The following GIPC1 variants were observed in gnomAD, a reference collection of about 807,000 sequenced individuals.
The protein encoded by GIPC1 is GIPC PDZ domain containing family member 1.
A neutral mutation model predicts 28.5 loss-of-function variants in GIPC1; 15 were observed. That is an observed-to-expected ratio of 0.53 (90% CI 0.35 to 0.81). The LOEUF is 0.81. GIPC1 is among the 30% of genes least tolerant of loss of function. The pLI is 0.01. For synonymous variants in GIPC1, 224 were observed against 206.1 expected (o/e 1.09, Z -0.74); for missense variants, 439 against 481.9 (o/e 0.91, Z 0.83).
chr19:14,495,291 T>A (rs1009454546), intron 1 of GIPC1, among the ~76,000 whole-genome samples: 1 of 125,772 alleles, frequency 8.0e-6, no homozygotes, highest in African/African-American at 3.0e-5. Flanking sequence ...GACCAGCAGG[T>A]GTGGCCCTGA....
intron 1 of GIPC1, 28 bp downstream of exon 1, chr19:14,496,009 A>G: frequency 4.6e-6 from 1 of 217,740 alleles, no homozygotes; most frequent in Non-Finnish European, 8.7e-6. Context: ...CCCGGAGCAG[A>G]CACATCCTTC....
Position 14,485,698 on chromosome 19 carries a change from T to TAGAG in GIPC1, c.-30-2693_-30-2692insCTCT, listed in dbSNP as rs1486531236. Among the ~76,000 whole-genome samples, 5 of 85,086 alleles carry TAGAG rather than the reference T, an allele frequency of 5.9e-5. No homozygotes were observed. The East Asian group carries it at 1.5e-3, about 25-fold the overall frequency. The allele number at this position is 85,086 out of a possible 152,430, so 55.8% of individuals were successfully genotyped here. A position where few individuals can be genotyped will look rare whatever the true frequency, so the allele number is the denominator to read the frequency against. ...ATAAATAAACAAATATATATATATATATATAGAGAGAGAGAGAGAGAGAGA... is the reference window on the plus strand; with the variant it reads ...ATAAATAAACAAATATATATATATATAGAGATATAGAGAGAGAGAGAGAGAGAGA... On this transcript the variant is annotated intron_variant, in intron 3 of 8. Coordinates refer to ENST00000393033, the MANE Select transcript of GIPC1 (RefSeq NM_005716.4).
intron 3 of GIPC1, among the ~76,000 whole-genome samples, chr19:14,490,180 A>G (rs560589438): frequency 1.3e-5 from 2 of 152,114 alleles, no homozygotes; most frequent in East Asian, 3.9e-4. Context: ...CCTGGCCAAC[A>G]TGGTGAAACC....
chr19:14,482,383 G>A, intron 4 of GIPC1: 1 of 502,630 alleles, frequency 2.0e-6, no homozygotes, highest in Non-Finnish European at 3.6e-6. Flanking sequence ...AATGCCTGAT[G>A]GGATGTCAGC....
chr19:14,480,363 C>T lies in GIPC1; in HGVS notation c.597G>A (p.Lys199=). The T allele has an allele frequency of 6.2e-7, 1 of 1,612,514 alleles. No individual in the cohort carries two copies. Among genetic ancestry groups the T allele is most frequent in the Non-Finnish European group, 8.5e-7 (1 of 1,179,882 alleles). ...TGAAGGTACGGCCTCGGGGCAGCTCCTTGAGCAGCCGGGCCACCTCGTAGT... is the reference window on the plus strand; with the variant it reads ...TGAAGGTACGGCCTCGGGGCAGCTCTTTGAGCAGCCGGGCCACCTCGTAGT... ...CRHYEVARLL[K]ELPRGRTFTL... Residue 199 remains lysine (K), a synonymous_variant, in exon 6 of 9, where the codon AAG becomes AAA. Transcript: ENST00000393033.
chr19:14,490,459 C>T (rs12980838), intron 3 of GIPC1, among the ~76,000 whole-genome samples: 71,826 of 151,368 alleles, frequency 0.47, 17,431 homozygotes, highest in South Asian at 0.66. Flanking sequence ...AGGCGGATCA[C>T]CTGAGGTCGA....
intron 2 of GIPC1, among the ~76,000 whole-genome samples, chr19:14,492,046 T>C (rs1341106092): frequency 1.3e-5 from 2 of 151,564 alleles, no homozygotes; most frequent in Non-Finnish European, 2.9e-5. Context: ...CCAGCCTGGG[T>C]GACAGAGTGA....
At position 14,478,658 on chromosome 19, in the gene GIPC1, C is replaced by G. The variant is rs1029085131; in HGVS notation, c.850+26G>C. The G allele has an allele frequency of 6.2e-7, 1 of 1,612,186 alleles. No homozygotes were observed. The highest frequency in any genetic ancestry group is 1.1e-5 in the South Asian group (1 of 91,040). On this transcript the variant is annotated intron_variant, in intron 8 of 8. Coordinates refer to ENST00000393033, the MANE Select transcript of GIPC1 (RefSeq NM_005716.4). This position sits in a 1 kb window ranked among gnomAD's most constrained non-coding sequence, Gnocchi z 5.2. The stretch of plus-strand genomic sequence containing the variant: ...TCGGCCCCCAGCAGACCTAGATGCC[C>G]CCTCCCCCAGGCAGCCCTCACTCAC...
In GIPC1 at chr19:14,482,620, G is replaced by C. The variant is rs1599351054; in HGVS notation, c.288+69C>G. 1.1e-5 allele frequency: 16 copies of C among 1,471,372 alleles called. No homozygotes were observed. The East Asian group carries it at 1.4e-4, about 13-fold the overall frequency. 91.1% of individuals were successfully genotyped at this position (1,471,372 alleles called of 1,614,324 possible). ...CTTCAGCATCTGAGCCCCAGCTCAT[G>C]AACAGGATGCAGGCCCAGACCTCTG... On this transcript the variant is annotated intron_variant, in intron 4 of 8. Coordinates refer to ENST00000393033, the MANE Select transcript of GIPC1 (RefSeq NM_005716.4).
chr19:14,491,997 G>T (rs2071984964), intron 2 of GIPC1, among the ~76,000 whole-genome samples: 1 of 152,038 alleles, frequency 6.6e-6, no homozygotes, highest in African/African-American at 2.4e-5. Context: ...GAACCCGGGA[G>T]GTGGAGTTTG....
chr19:14,489,380 T>C (rs1018968584), intron 3 of GIPC1: 8 of 785,438 alleles, frequency 1.0e-5, no homozygotes, highest in African/African-American at 3.4e-5. Flanking sequence ...GCCCATGGAG[T>C]ATACACCATG....
intron 3 of GIPC1, among the ~76,000 whole-genome samples, chr19:14,485,700 T>TAG (rs1429212332): frequency 1.6e-3 from 111 of 68,794 alleles, no homozygotes; most frequent in African/African-American, 4.9e-3. Flanking sequence ...TATATATATA[T>TAG]ATAGAGAGAG....
intron 3 of GIPC1, among the ~76,000 whole-genome samples, chr19:14,485,696 TATATATAGAGAGAGAGAGAGAGAGAG>T (rs1568365076): frequency 1.4e-5 from 1 of 73,848 alleles, no homozygotes; most frequent in African/African-American, 5.0e-5. Context: ...TATATATATA[TATATATAGAGAGAGAGAGAGAGAGAG>T]AGAGAGAGAG....
Position 14,480,785 on chromosome 19 carries a change from G to T in GIPC1, c.289-7C>A. 2.5e-6 allele frequency: 4 copies of T among 1,602,188 alleles called. No individual in the cohort carries two copies. Among genetic ancestry groups the T allele is most frequent in the African/African-American group, 1.3e-5 (1 of 74,762 alleles). On this transcript the variant is annotated splice_region_variant and splice_polypyrimidine_tract_variant and intron_variant, in intron 4 of 8. Coordinates refer to ENST00000393033, the MANE Select transcript of GIPC1 (RefSeq NM_005716.4). ...TCAGGGTGCAGAACATCACCTGCAG[G>T]GGTGGGAGACGCTGAAACCTCTTCC...
chr19:14,485,283 A>G (rs913026253), intron 3 of GIPC1, among the ~76,000 whole-genome samples: 13 of 151,918 alleles, frequency 8.6e-5, no homozygotes, highest in African/African-American at 3.1e-4. Context: ...CCTGGGCTCA[A>G]GCCATCCTCC....
chr19:14,487,043 T>TA (rs1460336741), intron 3 of GIPC1, among the ~76,000 whole-genome samples: 1 of 151,762 alleles, frequency 6.6e-6, no homozygotes, highest in African/African-American at 2.4e-5. Context: ...CTGTCTTCAA[T>TA]AAAAAAAGCA....
At chr19:14,480,986 T>C (rs1171692269) in intron 4 of GIPC1, 6 of 555,538 alleles carry the variant, frequency 1.1e-5, no homozygotes, top group Non-Finnish European at 1.9e-5. Context: ...CCTTTCTCTT[T>C]TTGAGACAGG....
chr19:14,488,343 C>T (rs777753684), intron 3 of GIPC1, among the ~76,000 whole-genome samples: 3 of 151,908 alleles, frequency 2.0e-5, no homozygotes, highest in Admixed American at 6.6e-5. Context: ...CCCAGCTACT[C>T]GGGAAGCTGA....
intron 3 of GIPC1, among the ~76,000 whole-genome samples, chr19:14,491,076 G>A (rs1277579824): frequency 6.6e-6 from 1 of 151,760 alleles, no homozygotes; most frequent in African/African-American, 2.4e-5. Context: ...TTGGGAGGCC[G>A]AGGCGGGTGG....
Sources: gnomAD v4.1 joint callset for allele counts (sites outside exome capture counted in the v4.1 genomes callset) on GRCh38, gnomAD v4.1.1 for gene constraint, Gnocchi (gnomAD v3.1) non-coding constraint, MANE v1.5 for transcripts, NCBI Gene and HGNC (gene_info 2026-07-23, HGNC 2026-07-21) for gene names.